ARK2C: variants seen among roughly 807,000 people sequenced by gnomAD.
ARK2C encodes the protein arkadia (RNF111) C-terminal like ring finger ubiquitin ligase 2C.
the ARK2C span, among the ~76,000 whole-genome samples, chr18:46,397,487 A>AGG: frequency 7.4e-4 from 28 of 38,060 alleles, no homozygotes; most frequent in South Asian, 3.2e-3. Context: ...CTGAGGTGTG[A>AGG]GGGTGTGTGT....
the ARK2C span, among the ~76,000 whole-genome samples, chr18:46,344,538 C>G: frequency 6.6e-6 from 1 of 152,234 alleles, no homozygotes; most frequent in Non-Finnish European, 1.5e-5. Flanking sequence ...CACTCCCACC[C>G]CCAGCGTGGA....
the ARK2C span, among the ~76,000 whole-genome samples, chr18:46,354,293 C>T: frequency 6.6e-6 from 1 of 152,168 alleles, no homozygotes; most frequent in South Asian, 2.1e-4. Context: ...GGTCTGGGCT[C>T]AGCTCTACAA....
chr18:46,406,552 C>T, the ARK2C span, among the ~76,000 whole-genome samples: 1 of 152,180 alleles, frequency 6.6e-6, no homozygotes, highest in Admixed American at 6.5e-5. Flanking sequence ...GCTGAGGAAA[C>T]CAAGGCTCAG....
the ARK2C span, among the ~76,000 whole-genome samples, chr18:46,432,000 G>T: frequency 1.3e-5 from 2 of 152,196 alleles, no homozygotes; most frequent in African/African-American, 4.8e-5. Context: ...GCCTGCTGAT[G>T]TCACCTTTCC....
chr18:46,456,510 C>G, the ARK2C span: 3 of 1,605,622 alleles, frequency 1.9e-6, no homozygotes, highest in South Asian at 2.2e-5. Flanking sequence ...TCTCCCTCCT[C>G]TCTTCCAGAC....
At chr18:46,456,725 A>G in the ARK2C span, 2 of 902,974 alleles carry the variant, frequency 2.2e-6, no homozygotes, top group Admixed American at 1.8e-5. Flanking sequence ...CTTCTGAGCC[A>G]TTTGACGTAG....
the ARK2C span, among the ~76,000 whole-genome samples, chr18:46,390,125 C>T: frequency 6.6e-6 from 1 of 152,318 alleles, no homozygotes; most frequent in Admixed American, 6.5e-5. Context: ...ATGCTCCTCT[C>T]CCTCTTCCTG....
At chr18:46,365,182 C>G in the ARK2C span, among the ~76,000 whole-genome samples, 1 of 152,218 alleles carries the variant, frequency 6.6e-6, no homozygotes, top group Non-Finnish European at 1.5e-5. Context: ...TGGAACTTAA[C>G]CTGGCTGAAG....
chr18:46,347,108 A>T, the ARK2C span, among the ~76,000 whole-genome samples: 2 of 152,148 alleles, frequency 1.3e-5, no homozygotes, highest in Non-Finnish European at 2.9e-5. Context: ...GGCCTCCCGG[A>T]GGAGGCAGGA....
At chr18:46,444,018 T>C in the ARK2C span, among the ~76,000 whole-genome samples, 2 of 152,100 alleles carry the variant, frequency 1.3e-5, no homozygotes, top group Non-Finnish European at 2.9e-5. Flanking sequence ...AGGTATATAT[T>C]TCTATATATT....
chr18:46,448,667 C>G, the ARK2C span, among the ~76,000 whole-genome samples: 1 of 152,200 alleles, frequency 6.6e-6, no homozygotes, highest in East Asian at 1.9e-4. Flanking sequence ...TTGGGCCTAG[C>G]CTGCCTATCC....
At chr18:46,444,587 C>A in the ARK2C span, among the ~76,000 whole-genome samples, 1 of 152,048 alleles carries the variant, frequency 6.6e-6, no homozygotes, top group Admixed American at 6.6e-5. Flanking sequence ...ACCTCAGCCT[C>A]CTGAGTAGCT....
At chr18:46,353,517 C>G in the ARK2C span, among the ~76,000 whole-genome samples, 1 of 152,142 alleles carries the variant, frequency 6.6e-6, no homozygotes, top group South Asian at 2.1e-4. Flanking sequence ...TCAATGAATG[C>G]TAGTTTGCTC....
chr18:46,367,833 G>A, the ARK2C span, among the ~76,000 whole-genome samples: 5 of 152,184 alleles, frequency 3.3e-5, no homozygotes, highest in Non-Finnish European at 5.9e-5. Context: ...GAGACAATTC[G>A]GATTTCTCGG....
chr18:46,362,171 C>G, the ARK2C span, among the ~76,000 whole-genome samples: 1 of 152,226 alleles, frequency 6.6e-6, no homozygotes, highest in Non-Finnish European at 1.5e-5. Flanking sequence ...GGGGCAGTCG[C>G]TGTCCCCTCC....
At chr18:46,363,748 C>T in the ARK2C span, among the ~76,000 whole-genome samples, 2 of 152,034 alleles carry the variant, frequency 1.3e-5, no homozygotes, top group Non-Finnish European at 2.9e-5. Context: ...CTATAAGCTC[C>T]TTGAGGGCAG....
the ARK2C span, among the ~76,000 whole-genome samples, chr18:46,392,214 C>T: frequency 6.6e-6 from 1 of 152,288 alleles, no homozygotes; most frequent in East Asian, 1.9e-4. Flanking sequence ...TCCAACTCAT[C>T]CCCATCCTGT....
chr18:46,429,072 G>A, the ARK2C span, among the ~76,000 whole-genome samples: 4 of 152,252 alleles, frequency 2.6e-5, no homozygotes, highest in East Asian at 7.7e-4. Flanking sequence ...AAGGGAAGGG[G>A]GTCCGGTGCC....
At chr18:46,344,802 G>C in the ARK2C span, among the ~76,000 whole-genome samples, 1 of 152,248 alleles carries the variant, frequency 6.6e-6, no homozygotes, top group African/African-American at 2.4e-5. Flanking sequence ...TGGCCCAGAG[G>C]TGTGTGTGTC....
Sources: gnomAD v4.1 joint callset for allele counts (sites outside exome capture counted in the v4.1 genomes callset) on GRCh38, gnomAD v4.1.1 for gene constraint, MANE v1.5 for transcripts, NCBI Gene and HGNC (gene_info 2026-07-23, HGNC 2026-07-21) for gene names.